SENP7: variants seen among roughly 807,000 people sequenced by gnomAD.
SENP7 encodes the protein sentrin-specific protease 7.
A neutral mutation model predicts 141.2 loss-of-function variants in SENP7; 64 were observed. The observed-to-expected ratio is 0.45, with a 90% confidence interval of 0.37 to 0.56. SENP7 has a LOEUF of 0.56. Among genes scored for constraint, SENP7 ranks in the 20% least tolerant of loss-of-function variants. The pLI is 0.00. For synonymous variants in SENP7, 382 were observed against 426.4 expected (o/e 0.90, Z 1.28); for missense variants, 1,025 against 1,212.2 (o/e 0.85, Z 2.29).
chr3:101,452,399 A>T (rs927480934), intron 4 of SENP7, among the ~76,000 whole-genome samples: 6 of 152,306 alleles, frequency 3.9e-5, no homozygotes, highest in African/African-American at 1.4e-4. Flanking sequence ...AAGAGCCCAC[A>T]TTGCCAAGAC....
chr3:101,417,331 T>G (rs1461207627), intron 5 of SENP7, among the ~76,000 whole-genome samples: 1 of 152,188 alleles, frequency 6.6e-6, no homozygotes, highest in Non-Finnish European at 1.5e-5. Flanking sequence ...GATGTGTACA[T>G]GTATCAAATT....
chr3:101,440,590 A>G (rs1199615312), intron 4 of SENP7, among the ~76,000 whole-genome samples: 2 of 150,990 alleles, frequency 1.3e-5, no homozygotes, highest in Admixed American at 1.3e-4. Flanking sequence ...TTAAAAAAAA[A>G]AAAAAAAGAA....
rs144044275 is a variant in SENP7 at position 101,414,567 on chromosome 3, C to T, written c.482+3026G>A. ...GTTGTGTGACCAAGTGTGTGGATGA[C>T]CACATGCACCTCATCCCAACTATGA... On this transcript the variant is annotated intron_variant, in intron 5 of 23. Transcript: ENST00000394095. The T allele has an allele frequency of 2.5e-6, 4 of 1,604,528 alleles. No individual in the cohort carries two copies. In the East Asian group the frequency reaches 6.7e-5, roughly 27 times the overall value.
chr3:101,354,541 GATA>G (rs1352612073), intron 11 of SENP7, among the ~76,000 whole-genome samples: 3 of 152,016 alleles, frequency 2.0e-5, no homozygotes, highest in African/African-American at 7.2e-5. Flanking sequence ...GTTTGCTAAG[GATA>G]ATAGCCTCCA....
At chr3:101,423,584 A>G (rs1041926847) in intron 4 of SENP7, among the ~76,000 whole-genome samples, 1 of 152,194 alleles carries the variant, frequency 6.6e-6, no homozygotes, top group African/African-American at 2.4e-5. Context: ...CAGGCTCCCA[A>G]CACAGTGGCT....
rs181218963 is a variant in SENP7 at position 101,335,133 on chromosome 3, C to T, written c.2481-2271G>A. On this transcript the variant is annotated intron_variant, in intron 17 of 23. Transcript: ENST00000394095. ...GCTGTGAAACAAATTTTTTAAATGC[C>T]AGGATAAGTTGTTTCAGGCAGAAAA... Among the ~76,000 whole-genome samples, 359 of 152,120 alleles carry T rather than the reference C, an allele frequency of 2.4e-3. 7 individuals are homozygous for T. The highest frequency in any genetic ancestry group is 0.022 in the Admixed American group (340 of 15,288).
chr3:101,501,421 C>T (rs1364153906), intron 1 of SENP7, among the ~76,000 whole-genome samples: 2 of 151,536 alleles, frequency 1.3e-5, no homozygotes, highest in Non-Finnish European at 1.5e-5. Context: ...ACAGAAATTC[C>T]CTGACCAAAG....
intron 4 of SENP7, among the ~76,000 whole-genome samples, chr3:101,445,509 A>C (rs139181700): frequency 1.8e-4 from 27 of 152,292 alleles, no homozygotes; most frequent in Admixed American, 1.1e-3. Context: ...AGGATATACA[A>C]AACAATCAGA....
intron 4 of SENP7, among the ~76,000 whole-genome samples, chr3:101,422,396 G>A (rs886476444): frequency 2.0e-5 from 3 of 152,096 alleles, no homozygotes; most frequent in Admixed American, 2.0e-4. Flanking sequence ...GTACCTCAGT[G>A]GTGGTTAAAA....
At chr3:101,511,179 A>G (rs1323896283) in intron 1 of SENP7, among the ~76,000 whole-genome samples, 1 of 152,190 alleles carries the variant, frequency 6.6e-6, no homozygotes, top group African/African-American at 2.4e-5. Context: ...TAGAGATATA[A>G]CTAACGTAAA....
chr3:101,509,325 A>T (rs1243075031), intron 1 of SENP7, among the ~76,000 whole-genome samples: 1 of 152,154 alleles, frequency 6.6e-6, no homozygotes, highest in Non-Finnish European at 1.5e-5. Context: ...AGCCTGTTGA[A>T]ATCTGGCTTT....
intron 4 of SENP7, among the ~76,000 whole-genome samples, chr3:101,425,866 G>C (rs1391631459): frequency 2.0e-5 from 3 of 152,108 alleles, no homozygotes; most frequent in Admixed American, 6.6e-5. Flanking sequence ...TAATGCAATC[G>C]CAAGTATTAA....
At position 101,328,532 on chromosome 3, in the gene SENP7, A is replaced by G; in HGVS notation, c.2810T>C (p.Ile937Thr). The G allele has an allele frequency of 1.2e-6, 2 of 1,612,572 alleles. No individual in the cohort carries two copies. The highest frequency in any genetic ancestry group is 1.7e-6 in the Non-Finnish European group (2 of 1,179,018). Residue 937 changes from isoleucine to threonine, a missense_variant, in exon 22 of 24, where the codon ATA becomes ACA. Ile to Thr is a moderately conservative substitution (Grantham distance 89). This residue lies in a region of SENP7 where 295 missense variants were observed against 459.1 expected (regional missense o/e 0.64). Coordinates refer to ENST00000394095, the MANE Select transcript of SENP7 (RefSeq NM_020654.5). ...AGAAGCAGCTTTCAAGGAGTCTAGT[A>G]TAAGAATACATGGCCTATGAAAAGC... ...KKMCKRPCIL[I>T]LDSLKAASVQ...
intron 20 of SENP7, among the ~76,000 whole-genome samples, chr3:101,329,030 A>C (rs144463880): frequency 6.6e-6 from 1 of 152,318 alleles, no homozygotes; most frequent in Admixed American, 6.5e-5. Context: ...TTATGATGTC[A>C]GTAGAGACAC....
At chr3:101,375,265 G>A (rs185983448) in intron 6 of SENP7, among the ~76,000 whole-genome samples, 3 of 152,212 alleles carry the variant, frequency 2.0e-5, no homozygotes, top group Admixed American at 6.5e-5. Flanking sequence ...AACACAGGCC[G>A]AGCACAGTGG....
intron 15 of SENP7, 188 bp from the exon 16 acceptor site, chr3:101,340,399 C>G: frequency 3.1e-6 from 2 of 639,606 alleles, no homozygotes; most frequent in Non-Finnish European, 4.9e-6. Context: ...AATGGTACTC[C>G]GATTGAGTAT....
intron 4 of SENP7, among the ~76,000 whole-genome samples, chr3:101,443,092 T>A (rs1447425710): frequency 1.3e-5 from 2 of 152,180 alleles, no homozygotes. Flanking sequence ...GGTCAAACGT[T>A]TAAGTCTTTA....
intron 3 of SENP7, among the ~76,000 whole-genome samples, chr3:101,487,502 G>A (rs2064780821): frequency 6.6e-6 from 1 of 152,020 alleles, no homozygotes; most frequent in Non-Finnish European, 1.5e-5. Context: ...TGTTGCAATT[G>A]CTTTTGGGGA....
intron 4 of SENP7, among the ~76,000 whole-genome samples, chr3:101,433,985 C>A (rs1419037376): frequency 6.7e-6 from 1 of 148,314 alleles, no homozygotes; most frequent in Non-Finnish European, 1.5e-5. Flanking sequence ...AGAATACATT[C>A]TTTTCCTCAG....
Sources: gnomAD v4.1 joint callset for allele counts (sites outside exome capture counted in the v4.1 genomes callset) on GRCh38, gnomAD v4.1.1 for gene constraint, gnomAD v4.1.1 regional missense constraint, MANE v1.5 for transcripts, NCBI Gene and HGNC (gene_info 2026-07-23, HGNC 2026-07-21) for gene names.